The following ZNF536 variants were observed in gnomAD, a reference collection of about 807,000 sequenced individuals.
ZNF536 encodes the protein zinc finger protein 536.
ZNF536 carries 13 observed loss-of-function variants against 84.5 expected under a neutral mutation model. That is an observed-to-expected ratio of 0.15 (90% confidence interval 0.10 to 0.24). ZNF536 has a LOEUF of 0.24. Among genes scored for constraint, ZNF536 ranks in the 10% least tolerant of loss-of-function variants. ZNF536 has a pLI of 1.00. For synonymous variants in ZNF536, 811 were observed against 742.5 expected, an observed-to-expected ratio of 1.09 and a Z score of -1.50; for missense variants, 1,536 against 1,747.5, an observed-to-expected ratio of 0.88 and a Z score of 2.16.
exon 2 of ZNF536, chr19:30,712,657 A>C (rs972008357): frequency 1.3e-5 from 2 of 152,242 alleles, no homozygotes; most frequent in African/African-American, 4.8e-5. Flanking sequence ...GTTTCAGTGT[A>C]AATGAGGTCG....
At chr19:30,280,981 C>T (rs1317376543) in intron 1 of ZNF536, among the ~76,000 whole-genome samples, 1 of 152,142 alleles carries the variant, frequency 6.6e-6, no homozygotes, top group East Asian at 1.9e-4. Flanking sequence ...TGGGTCCTGC[C>T]TTGCCTGTGG....
At chr19:30,568,896 C>G (rs2046442637) in intron 1 of ZNF536, among the ~76,000 whole-genome samples, 1 of 152,226 alleles carries the variant, frequency 6.6e-6, no homozygotes, top group Admixed American at 6.5e-5. Flanking sequence ...AGCCCTGCCT[C>G]TCAGGGCCCC....
chr19:30,602,116 T>C lies in ZNF536; in HGVS notation c.169+52602T>C, dbSNP rs1200772652. On this transcript the variant is annotated intron_variant, in intron 1 of 1. Transcript: ENST00000592773. ...TCTGCAGTGGTATCAAAAAACGAAT[T>C]AGGGTGCACAATGAAGTATTGGGTT... 3.9e-5 allele frequency among the ~76,000 whole-genome samples: 6 copies of C among 152,068 alleles called. No homozygotes were observed. The East Asian group carries it at 1.2e-3, about 29-fold the overall frequency.
intron 1 of ZNF536, among the ~76,000 whole-genome samples, chr19:30,685,034 T>C (rs1415058318): frequency 6.6e-6 from 1 of 152,214 alleles, no homozygotes; most frequent in Non-Finnish European, 1.5e-5. Flanking sequence ...CTCTGCCCTC[T>C]GATTAGCCTA....
At chr19:30,427,767 T>C (rs887884226) in intron 1 of ZNF536, among the ~76,000 whole-genome samples, 4 of 152,178 alleles carry the variant, frequency 2.6e-5, no homozygotes, top group Admixed American at 1.3e-4. Context: ...TCATGTGTAA[T>C]GTCTCTGGGC....
intron 1 of ZNF536, among the ~76,000 whole-genome samples, chr19:30,232,104 C>T (rs1417243869): frequency 1.3e-5 from 2 of 151,888 alleles, no homozygotes; most frequent in Non-Finnish European, 2.9e-5. Flanking sequence ...GAAGCCCCCT[C>T]AGGAAGGTGG....
rs762735520 is a variant in ZNF536, at chr19:30,244,581, T to A, written c.-190+15908T>A. ...ACTCAAGCCATAATTACAGAAGAAT[T>A]TCGAAACTCAGATGTCTGCCTGCTG... On this transcript the variant is annotated intron_variant, in intron 1 of 5. Coordinates refer to the ZNF536 transcript ENST00000585628. Among the ~76,000 whole-genome samples, 20 of 152,196 alleles carry A rather than the reference T, an allele frequency of 1.3e-4. 1 individual carries two copies. Among genetic ancestry groups the A allele is most frequent in the Non-Finnish European group, 1.8e-4 (12 of 68,034 alleles).
intron 1 of ZNF536, among the ~76,000 whole-genome samples, chr19:30,613,321 G>A (rs1367233434): frequency 1.3e-5 from 2 of 152,094 alleles, no homozygotes; most frequent in Non-Finnish European, 2.9e-5. Flanking sequence ...GCTCACTAAC[G>A]TTTATATCCG....
At chr19:30,341,310 G>A (rs138125295) in intron 2 of ZNF536, among the ~76,000 whole-genome samples, 6 of 152,322 alleles carry the variant, frequency 3.9e-5, no homozygotes, top group Non-Finnish European at 7.4e-5. Flanking sequence ...GTTGGGAACC[G>A]TGAAGTAACT....
At chr19:30,691,562 C>A (rs2051410889) in intron 1 of ZNF536, among the ~76,000 whole-genome samples, 1 of 152,144 alleles carries the variant, frequency 6.6e-6, no homozygotes, top group Non-Finnish European at 1.5e-5. Flanking sequence ...TCCCAACATG[C>A]AGGTTATTGT....
intron 2 of ZNF536, among the ~76,000 whole-genome samples, chr19:30,522,173 G>A (rs2145723870): frequency 7.0e-6 from 1 of 142,338 alleles, no homozygotes; most frequent in South Asian, 2.3e-4. Context: ...AGACCTGAAG[G>A]TTTTGTCCTT....
In ZNF536 at chr19:30,344,224, A is replaced by C. The variant is rs557368012; in HGVS notation, c.-119-8144A>C. 2.3e-3 allele frequency among the ~76,000 whole-genome samples: 325 copies of C among 144,178 alleles called. 8 individuals are homozygous for C. The highest frequency in any genetic ancestry group is 5.0e-4 in the Non-Finnish European group (33 of 66,070). 94.6% of individuals were successfully genotyped at this position (144,178 alleles called of 152,430 possible). Reference sequence around the variant, plus strand: ...GAGGGTGAGGCAGGTGGATCACCTGAGGTCAGGAGTTCGCGACCAGCCTGG... The same window carrying C: ...GAGGGTGAGGCAGGTGGATCACCTGCGGTCAGGAGTTCGCGACCAGCCTGG... On this transcript the variant is annotated intron_variant, in intron 2 of 5. Coordinates refer to the ZNF536 transcript ENST00000585628.
At chr19:30,652,702 A>G (rs1459638658) in intron 1 of ZNF536, among the ~76,000 whole-genome samples, 1 of 152,176 alleles carries the variant, frequency 6.6e-6, no homozygotes, top group Non-Finnish European at 1.5e-5. Flanking sequence ...AGTCAGTAGC[A>G]TGCAACTTCT....
chr19:30,341,567 C>T (rs770780692), intron 2 of ZNF536, among the ~76,000 whole-genome samples: 1 of 152,100 alleles, frequency 6.6e-6, no homozygotes, highest in Non-Finnish European at 1.5e-5. Context: ...ATGCAGACAC[C>T]AAAGTTAATA....
intron 2 of ZNF536, among the ~76,000 whole-genome samples, chr19:30,480,059 T>C (rs2054010732): frequency 6.6e-6 from 1 of 152,228 alleles, no homozygotes; most frequent in African/African-American, 2.4e-5. Context: ...TCAGGATCGA[T>C]TGTCCATGAC....
intron 1 of ZNF536, among the ~76,000 whole-genome samples, chr19:30,608,193 G>A (rs2047964991): frequency 6.6e-6 from 1 of 152,184 alleles, no homozygotes. Context: ...AAGCACAGAA[G>A]TAAACTTTTT....
At chr19:30,341,144 A>G (rs1186395906) in intron 2 of ZNF536, among the ~76,000 whole-genome samples, 1 of 152,266 alleles carries the variant, frequency 6.6e-6, no homozygotes, top group Non-Finnish European at 1.5e-5. Flanking sequence ...CAGTTTTTAT[A>G]ACATCGCTTA....
intron 2 of ZNF536, among the ~76,000 whole-genome samples, chr19:30,298,111 C>A (rs893785994): frequency 6.6e-6 from 1 of 152,144 alleles, no homozygotes; most frequent in Non-Finnish European, 1.5e-5. Context: ...AACTCCTGGC[C>A]TTGTGATCAG....
chr19:30,534,823 G>A (rs2145930144), intron 2 of ZNF536, 24 bp from the exon 3 acceptor site: 1 of 1,597,030 alleles, frequency 6.3e-7, no homozygotes, highest in Non-Finnish European at 8.5e-7. Flanking sequence ...GAAGTGATGT[G>A]AGAACGTTTC....
Sources: allele counts gnomAD v4.1 joint callset (sites outside exome capture counted in the v4.1 genomes callset), GRCh38; gene constraint gnomAD v4.1.1; transcripts MANE v1.5; gene names NCBI Gene and HGNC (gene_info 2026-07-23, HGNC 2026-07-21).